The following ZMAT4 variants were observed in gnomAD, a reference collection of about 807,000 sequenced individuals.
ZMAT4 encodes the protein zinc finger matrin-type 4, also known as zinc finger matrin-type protein 4.
In ZMAT4, 17 loss-of-function variants were observed where a neutral mutation model predicts 28.7. The ratio of observed to expected loss-of-function variants is 0.59; its 90% confidence interval spans 0.41 to 0.89. The LOEUF is 0.89. ZMAT4 is among the 40% of genes least tolerant of loss of function. ZMAT4 has a pLI of 0.00. For missense variants in ZMAT4, 240 were observed against 283.8 expected, an observed-to-expected ratio of 0.85 and a Z score of 1.11; for synonymous variants, 117 against 109.2, an observed-to-expected ratio of 1.07 and a Z score of -0.44.
intron 5 of ZMAT4, among the ~76,000 whole-genome samples, chr8:40,665,254 G>T (rs1189813234): frequency 8.8e-6 from 1 of 114,146 alleles, no homozygotes; most frequent in East Asian, 2.3e-4. Flanking sequence ...AACAAAAAAT[G>T]TAAAGCCTCT....
intron 3 of ZMAT4, among the ~76,000 whole-genome samples, chr8:40,761,077 G>A (rs556392688): frequency 9.8e-4 from 149 of 152,152 alleles, no homozygotes; most frequent in African/African-American, 3.4e-3. Context: ...GGCAGGGGGG[G>A]ATAATTTGCT....
chr8:40,662,201 G>A (rs191873086), intron 5 of ZMAT4, among the ~76,000 whole-genome samples: 42 of 151,964 alleles, frequency 2.8e-4, no homozygotes, highest in Middle Eastern at 3.4e-3. Flanking sequence ...GGTTGCTCTC[G>A]AATTCCCGTG....
At chr8:40,588,002 A>C (rs1398207199) in intron 5 of ZMAT4, among the ~76,000 whole-genome samples, 1 of 151,976 alleles carries the variant, frequency 6.6e-6, no homozygotes, top group Non-Finnish European at 1.5e-5. Context: ...TTTACCAGAG[A>C]TTAAGAAAAT....
At chr8:40,537,802 C>T (rs1461587244) in intron 6 of ZMAT4, among the ~76,000 whole-genome samples, 2 of 152,142 alleles carry the variant, frequency 1.3e-5, no homozygotes, top group Non-Finnish European at 2.9e-5. Context: ...TGCTAGAACT[C>T]CTAATACACA....
chr8:40,841,428 C>T (rs905510261), intron 1 of ZMAT4, among the ~76,000 whole-genome samples: 7 of 152,210 alleles, frequency 4.6e-5, no homozygotes, highest in African/African-American at 1.4e-4. Flanking sequence ...GTCCCTTCCA[C>T]GTCTTGTTAA....
chr8:40,638,914 A>G (rs759409323), intron 5 of ZMAT4, among the ~76,000 whole-genome samples: 2 of 152,282 alleles, frequency 1.3e-5, no homozygotes, highest in Non-Finnish European at 2.9e-5. Flanking sequence ...TGAGTTTACG[A>G]TAGTTGCAAT....
intron 3 of ZMAT4, among the ~76,000 whole-genome samples, chr8:40,767,106 T>A (rs1257639032): frequency 6.6e-6 from 1 of 152,202 alleles, no homozygotes; most frequent in Non-Finnish European, 1.5e-5. Context: ...CTTGACTCCC[T>A]CAAAGCGACT....
At chr8:40,556,331 T>C (rs1803533266) in intron 6 of ZMAT4, among the ~76,000 whole-genome samples, 1 of 152,216 alleles carries the variant, frequency 6.6e-6, no homozygotes, top group Non-Finnish European at 1.5e-5. Context: ...AAATTTAACA[T>C]GAATACAATT....
At chr8:40,565,952 A>G (rs1312258281) in intron 6 of ZMAT4, among the ~76,000 whole-genome samples, 1 of 152,100 alleles carries the variant, frequency 6.6e-6, no homozygotes, top group Non-Finnish European at 1.5e-5. Flanking sequence ...AATGAGTTCA[A>G]GAATTTGGGT....
intron 1 of ZMAT4, among the ~76,000 whole-genome samples, chr8:40,847,675 A>C (rs1395268615): frequency 6.6e-6 from 1 of 152,142 alleles, no homozygotes; most frequent in Non-Finnish European, 1.5e-5. Context: ...CTGCTTTCCC[A>C]AGGAACTCCT....
intron 6 of ZMAT4, 124 bp from the exon 7 acceptor site, chr8:40,532,362 T>A: frequency 2.9e-6 from 2 of 691,834 alleles, no homozygotes; most frequent in Non-Finnish European, 2.2e-6. Flanking sequence ...CAAATTCAAA[T>A]GCATCTGAAT....
Position 40,634,593 on chromosome 8 carries a change from A to G in ZMAT4, c.577+40111T>C, listed in dbSNP as rs148317814. Among the ~76,000 whole-genome samples the G allele has an allele frequency of 2.8e-3, 425 of 152,326 alleles. 2 individuals carry two copies. Among genetic ancestry groups the G allele is most frequent in the Middle Eastern group, 0.017 (5 of 294 alleles). ...TGCATCAAGCAGTTATCCTACATGT[A>G]ATTAAGAGGCTCCAGAAGTTTTAAG... On this transcript the variant is annotated intron_variant, in intron 5 of 6. Transcript: ENST00000297737.
chr8:40,574,052 G>A (rs560189341), intron 6 of ZMAT4, among the ~76,000 whole-genome samples: 1 of 152,294 alleles, frequency 6.6e-6, no homozygotes, highest in Admixed American at 6.5e-5. Context: ...TAATTGGTCA[G>A]ATTGCAATAG....
At chr8:40,639,212 T>A (rs1163256839) in intron 5 of ZMAT4, among the ~76,000 whole-genome samples, 1 of 152,230 alleles carries the variant, frequency 6.6e-6, no homozygotes, top group South Asian at 2.1e-4. Flanking sequence ...TTTAGCTTTT[T>A]AAATTTCTTA....
At chr8:40,861,531 A>G (rs986874192) in intron 1 of ZMAT4, among the ~76,000 whole-genome samples, 1 of 152,258 alleles carries the variant, frequency 6.6e-6, no homozygotes, top group Non-Finnish European at 1.5e-5. Flanking sequence ...CTTCGTGTCT[A>G]AAACACCAAA....
At chr8:40,753,219 A>G (rs1327596331) in intron 3 of ZMAT4, among the ~76,000 whole-genome samples, 7 of 152,126 alleles carry the variant, frequency 4.6e-5, no homozygotes, top group Non-Finnish European at 1.0e-4. Context: ...TTTCCCTGCA[A>G]AGAACATGAA....
chr8:40,825,723 T>C (rs1269883300), intron 1 of ZMAT4, 43 bp from the exon 2 acceptor site: 7 of 1,452,752 alleles, frequency 4.8e-6, no homozygotes, highest in South Asian at 1.2e-5. Flanking sequence ...TCCACTGCTT[T>C]GATGTTTATG....
At chr8:40,761,625 A>G (rs997817632) in intron 3 of ZMAT4, among the ~76,000 whole-genome samples, 3 of 152,090 alleles carry the variant, frequency 2.0e-5, no homozygotes, top group Non-Finnish European at 4.4e-5. Context: ...CTCTCCAACT[A>G]CCTGATGAAC....
At chr8:40,584,520 A>G (rs964520040) in intron 5 of ZMAT4, among the ~76,000 whole-genome samples, 2 of 152,224 alleles carry the variant, frequency 1.3e-5, no homozygotes, top group Admixed American at 6.5e-5. Flanking sequence ...AAAGGACTCT[A>G]CTACTTAAAA....
Sources: allele counts gnomAD v4.1 joint callset (sites outside exome capture counted in the v4.1 genomes callset), GRCh38; gene constraint gnomAD v4.1.1; transcripts MANE v1.5; gene names NCBI Gene and HGNC (gene_info 2026-07-23, HGNC 2026-07-21).